The following CRIM1 variants were observed in gnomAD, a reference collection of about 807,000 sequenced individuals.
CRIM1 encodes the protein cysteine rich transmembrane BMP regulator 1, also known as cysteine-rich motor neuron 1 protein.
Under a neutral mutation model 116.4 loss-of-function variants are expected in CRIM1, and 32 were observed. The observed-to-expected ratio is 0.27, with a 90% CI of 0.21 to 0.37. The LOEUF is 0.37. CRIM1 is among the 10% of genes least tolerant of loss of function. The pLI, the probability that CRIM1 is intolerant of heterozygous loss-of-function variation, is 1.00. For missense variants in CRIM1, 1,331 were observed against 1,354.8 expected, an observed-to-expected ratio of 0.98 and a Z score of 0.28; for synonymous variants, 590 against 509.2, an observed-to-expected ratio of 1.16 and a Z score of -2.13.
At chr2:36,474,158 T>C (rs1396406145) in intron 5 of CRIM1, among the ~76,000 whole-genome samples, 1 of 152,224 alleles carries the variant, frequency 6.6e-6, no homozygotes, top group Admixed American at 6.5e-5. Flanking sequence ...GAAGTGTCTG[T>C]TCAAAGGTTT....
At chr2:36,436,694 A>T (rs972924310) in intron 2 of CRIM1, among the ~76,000 whole-genome samples, 4 of 152,204 alleles carry the variant, frequency 2.6e-5, no homozygotes, top group Non-Finnish European at 4.4e-5. Context: ...AAAATTGGTT[A>T]TGAGACCACA....
chr2:36,411,755 C>T (rs1402480896), intron 2 of CRIM1, among the ~76,000 whole-genome samples: 1 of 151,824 alleles, frequency 6.6e-6, no homozygotes, highest in Non-Finnish European at 1.5e-5. Flanking sequence ...TAAGTGTTTC[C>T]TGAGAATTTT....
At chr2:36,495,444 C>T (rs1322829669) in intron 7 of CRIM1, among the ~76,000 whole-genome samples, 2 of 151,218 alleles carry the variant, frequency 1.3e-5, no homozygotes, top group African/African-American at 4.9e-5. Flanking sequence ...ACTTTGCTCA[C>T]ACTCCCTCAA....
At chr2:36,459,197 C>T (rs115290334) in intron 4 of CRIM1, among the ~76,000 whole-genome samples, 1 of 152,084 alleles carries the variant, frequency 6.6e-6, no homozygotes, top group Non-Finnish European at 1.5e-5. Context: ...TCAGCAGACT[C>T]TCCTGGAGAG....
At chr2:36,475,231 G>A (rs943705831) in intron 5 of CRIM1, among the ~76,000 whole-genome samples, 4 of 152,168 alleles carry the variant, frequency 2.6e-5, no homozygotes, top group Admixed American at 6.5e-5. Flanking sequence ...CCATGAACAC[G>A]GGATGTCCCG....
At chr2:36,406,121 CATTA>C (rs1469372206) in intron 2 of CRIM1, among the ~76,000 whole-genome samples, 1 of 152,070 alleles carries the variant, frequency 6.6e-6, no homozygotes, top group Admixed American at 6.5e-5. Flanking sequence ...TAGAAATAAT[CATTA>C]ATTCACAAAA....
chr2:36,362,510 T>G (rs928502152), intron 1 of CRIM1, among the ~76,000 whole-genome samples: 8 of 152,192 alleles, frequency 5.3e-5, no homozygotes, highest in African/African-American at 1.9e-4. Flanking sequence ...GAGAGTGATT[T>G]TCTCTTTGTT....
At position 36,464,555 on chromosome 2, in the gene CRIM1, A is replaced by G; in HGVS notation, c.891A>G (p.Leu297=). ...TCAGATGCGAGTGTCTCTCTGGCTT[A>G]TGTGGTTTCCCCGTGTGTGAGGTGG... ...LPTRCECLSG[L]CGFPVCEVGS... is the part of the protein sequence containing the mutation. The change falls in exon 5 of 17, where the codon TTA becomes TTG. Residue 297 remains leucine (L), a synonymous_variant. Coordinates refer to ENST00000280527, the MANE Select transcript of CRIM1 (RefSeq NM_016441.3). The G allele has an allele frequency of 2.5e-6, 4 of 1,614,000 alleles. No homozygotes were observed. Among genetic ancestry groups the G allele is most frequent in the Non-Finnish European group, 3.4e-6 (4 of 1,179,992 alleles).
chr2:36,359,058 T>C (rs1669047614), intron 1 of CRIM1, among the ~76,000 whole-genome samples: 1 of 152,238 alleles, frequency 6.6e-6, no homozygotes, highest in Admixed American at 6.5e-5. Context: ...TCTGTGAGTT[T>C]ACAAGAAATT....
chr2:36,492,294 G>A (rs1182946466), intron 7 of CRIM1, among the ~76,000 whole-genome samples: 1 of 152,148 alleles, frequency 6.6e-6, no homozygotes, highest in Non-Finnish European at 1.5e-5. Context: ...AAGGATGTAG[G>A]TGTTGTTATG....
intron 2 of CRIM1, among the ~76,000 whole-genome samples, chr2:36,413,496 C>T (rs1334991723): frequency 6.6e-6 from 1 of 152,130 alleles, no homozygotes; most frequent in Non-Finnish European, 1.5e-5. Flanking sequence ...AGGCCAAAAG[C>T]AATATGTTTC....
At chr2:36,496,457 T>C (rs1036732630) in intron 7 of CRIM1, among the ~76,000 whole-genome samples, 3 of 152,168 alleles carry the variant, frequency 2.0e-5, no homozygotes, top group Non-Finnish European at 4.4e-5. Context: ...TCATCTAATA[T>C]AGGTCATAAG....
chr2:36,427,039 A>T (rs540252200), intron 2 of CRIM1, among the ~76,000 whole-genome samples: 2 of 152,182 alleles, frequency 1.3e-5, no homozygotes, highest in African/African-American at 4.8e-5. Context: ...CATCTCTGCT[A>T]AAAATACAAA....
At chr2:36,452,762 G>A (rs760210928) in intron 4 of CRIM1, among the ~76,000 whole-genome samples, 1 of 152,034 alleles carries the variant, frequency 6.6e-6, no homozygotes, top group Non-Finnish European at 1.5e-5. Context: ...AAACAAGCAG[G>A]GAAGGCTCTC....
At chr2:36,464,722 A>C (rs1029441565) in intron 5 of CRIM1, 67 bp downstream of exon 5, 1 of 1,574,462 alleles carries the variant, frequency 6.4e-7, no homozygotes, top group East Asian at 2.3e-5. Flanking sequence ...GGAGGGTTCA[A>C]CTTAGCTGCT....
In CRIM1 at chr2:36,385,596, A is replaced by T. The variant is rs558762852; in HGVS notation, c.332-11018A>T. On this transcript the variant is annotated intron_variant, in intron 1 of 16. Transcript: ENST00000280527. ...TCCTGGTGGTTAAAGGACCATCAGC[A>T]GGAGTCTCCAGGCCGTATTACTGGA... is the stretch of plus-strand genomic sequence containing the variant. 3.9e-5 allele frequency among the ~76,000 whole-genome samples: 6 copies of T among 152,260 alleles called. No individual in the cohort carries two copies. In the South Asian group the frequency reaches 1.2e-3, roughly 32 times the overall value.
chr2:36,409,518 T>C (rs1418186263), intron 2 of CRIM1, among the ~76,000 whole-genome samples: 5 of 152,204 alleles, frequency 3.3e-5, no homozygotes, highest in East Asian at 1.9e-4. Context: ...GCCCATTGCA[T>C]AGGGGCATTT....
intron 12 of CRIM1, among the ~76,000 whole-genome samples, chr2:36,520,180 G>A (rs983345277): frequency 5.3e-5 from 8 of 152,204 alleles, no homozygotes; most frequent in Admixed American, 2.0e-4. Flanking sequence ...CACTGCCAGC[G>A]TATCCTGATG....
intron 1 of CRIM1, among the ~76,000 whole-genome samples, chr2:36,373,307 C>T (rs183895091): frequency 1.1e-3 from 174 of 152,284 alleles, no homozygotes; most frequent in Admixed American, 4.8e-3. Context: ...GCCCATCAGC[C>T]TGTAAGCCAA....
Sources: gnomAD v4.1 joint callset for allele counts (sites outside exome capture counted in the v4.1 genomes callset) on GRCh38, gnomAD v4.1.1 for gene constraint, MANE v1.5 for transcripts, NCBI Gene and HGNC (gene_info 2026-07-23, HGNC 2026-07-21) for gene names.